Variants in CYP2A13 observed in about 807,000 individuals in gnomAD.
The protein encoded by CYP2A13 is cytochrome P450 2A13.
In CYP2A13, 30 loss-of-function variants were observed where a neutral mutation model predicts 39.4. That is an observed-to-expected ratio of 0.76 (90% CI 0.57 to 1.03). CYP2A13 has a LOEUF of 1.03. Ranked by LOEUF, CYP2A13 falls within the 50% of genes least tolerant of loss-of-function variation. The pLI is 0.00. For missense variants in CYP2A13, 731 were observed against 648.4 expected, an observed-to-expected ratio of 1.13 and a Z score of -1.38; for synonymous variants, 269 against 254.7, an observed-to-expected ratio of 1.06 and a Z score of -0.54.
At chr19:41,089,200 C>G in intron 2 of CYP2A13, 109 bp downstream of exon 2, 1 of 1,538,572 alleles carries the variant, frequency 6.5e-7, no homozygotes, top group Non-Finnish European at 8.8e-7. Context: ...GCAGAGCCCC[C>G]TGTCTGGTCT....
Position 41,094,352 on chromosome 19 carries a change from A to C in CYP2A13, c.1081A>C (p.Arg361=). 6.2e-7 allele frequency: 1 copy of C among 1,614,144 alleles called. No homozygotes were observed. Among genetic ancestry groups the C allele is most frequent in the South Asian group, 1.1e-5 (1 of 91,086 alleles). Residue 361 remains arginine, a synonymous_variant, in exon 7 of 9, where the codon AGA becomes CGA. Coordinates refer to ENST00000330436, the MANE Select transcript of CYP2A13 (RefSeq NM_000766.5). ...AGAGGCAGTGATCCACGAGATCCAA[A>C]GATTTGGAGACATGCTCCCCATGGG... ...YTEAVIHEIQ[R]FGDMLPMGLA...
chr19:41,090,159 G>A lies in CYP2A13; in HGVS notation c.456G>A (p.Glu152=), dbSNP rs1161104752. 1.3e-6 allele frequency: 2 copies of A among 1,593,954 alleles called. No homozygotes were observed. Among genetic ancestry groups the A allele is most frequent in the South Asian group, 2.3e-5 (2 of 87,846 alleles). Residue 152 remains glutamate, a synonymous_variant, in exon 3 of 9, where the codon GAG becomes GAA. Coordinates refer to ENST00000330436, the MANE Select transcript of CYP2A13 (RefSeq NM_000766.5). ...KRGIEERIQE[E]AGFLIDALRG... Reference sequence around the variant, plus strand: ...GCATCGAGGAACGCATCCAGGAGGAGGCGGGCTTCCTCATCGACGCCCTCC... The same window carrying A: ...GCATCGAGGAACGCATCCAGGAGGAAGCGGGCTTCCTCATCGACGCCCTCC...
rs373911271 is a variant in CYP2A13, at chr19:41,094,391, G to T, written c.1120G>T (p.Val374Phe). The T allele has an allele frequency of 4.3e-6, 7 of 1,613,954 alleles. No homozygotes were observed. In the African/African-American group the frequency reaches 8.0e-5, roughly 18 times the overall value. Residue 374 changes from valine to phenylalanine, a missense_variant, in exon 7 of 9, where the codon GTC becomes TTC. Physicochemically the swap from Val to Phe is conservative, Grantham distance 50. Transcript: ENST00000330436. ...GCTCCCCATGGGTTTGGCCCACAGG[G>T]TCAACAAGGACACCAAGTTTCGGGA... is the stretch of plus-strand genomic sequence containing the variant. ...DMLPMGLAHRVNKDTKFRDFF... is the reference protein window; with the variant it reads ...DMLPMGLAHRFNKDTKFRDFF...
intron 6 of CYP2A13, 79 bp from the exon 7 acceptor site, chr19:41,094,166 C>T: frequency 1.3e-6 from 2 of 1,568,088 alleles, no homozygotes; most frequent in South Asian, 2.4e-5. Flanking sequence ...CTATGTCAAC[C>T]ACCGTGTTTT....
chr19:41,093,912 T>C (rs1279771821), intron 6 of CYP2A13, 141 bp downstream of exon 6: 5 of 930,136 alleles, frequency 5.4e-6, no homozygotes, highest in African/African-American at 1.7e-5. Flanking sequence ...ATTCAGCTGA[T>C]AGGCATCAGC....
chr19:41,090,324 C>G, intron 3 of CYP2A13, 80 bp from the exon 4 acceptor site: 1 of 1,601,506 alleles, frequency 6.2e-7, no homozygotes, highest in Non-Finnish European at 8.5e-7. Flanking sequence ...TCAACAGGGC[C>G]CTGCCTCCTG....
chr19:41,091,670 C>T, intron 4 of CYP2A13, 62 bp from the exon 5 acceptor site: 4 of 1,591,398 alleles, frequency 2.5e-6, no homozygotes, highest in Non-Finnish European at 3.4e-6. Context: ...AATCCCCATT[C>T]CCATCAGCTC....
At chr19:41,092,050 C>G (rs2031202897) in intron 5 of CYP2A13, 142 bp downstream of exon 5, 1 of 1,321,922 alleles carries the variant, frequency 7.6e-7, no homozygotes. Flanking sequence ...CGCGGTGGCT[C>G]ATGACCTGTA....
intron 7 of CYP2A13, 40 bp from the exon 8 acceptor site, chr19:41,094,919 C>G: frequency 3.1e-6 from 5 of 1,610,884 alleles, no homozygotes; most frequent in Non-Finnish European, 4.2e-6. Flanking sequence ...CCAATCCCCC[C>G]AACCTGCCTC....
chr19:41,095,941 A>G lies in CYP2A13; in HGVS notation c.1485A>G (p.Ter495TrpextTer29), dbSNP rs761838314. ...RNYTMSFLPR* is the reference protein window; with the variant it reads ...RNYTMSFLPRW Reference sequence around the variant, plus strand: ...ACACCATGAGCTTCCTGCCCCGCTGAGCGAGGGCTGTGCTGGTGCAGGGCT... The same window carrying G: ...ACACCATGAGCTTCCTGCCCCGCTGGGCGAGGGCTGTGCTGGTGCAGGGCT... The change falls in exon 9 of 9, where the codon TGA becomes TGG. Residue 495 changes from the stop codon to tryptophan, a stop_lost. Transcript: ENST00000330436. 3 of 1,466,398 alleles carry G rather than the reference A, an allele frequency of 2.0e-6. No homozygotes were observed. The Admixed American group carries it at 5.6e-5, about 28-fold the overall frequency. 90.8% of individuals were successfully genotyped at this position (1,466,398 alleles called of 1,614,324 possible).
Position 41,093,848 on chromosome 19 carries a change from T to C in CYP2A13, c.973+77T>C. On this transcript the variant is annotated intron_variant, in intron 6 of 8. Coordinates refer to ENST00000330436, the MANE Select transcript of CYP2A13 (RefSeq NM_000766.5). The stretch of plus-strand genomic sequence containing the variant: ...CTGAGCCTGGTGCAGTGTACCCACC[T>C]ATCCCAGATCCCAGGACCCTGAGAC... 3 of 1,541,362 alleles carry C rather than the reference T, an allele frequency of 1.9e-6. No homozygotes were observed. The Admixed American group carries it at 5.8e-5, about 30-fold the overall frequency.
chr19:41,090,357 T>A, intron 3 of CYP2A13, 47 bp from the exon 4 acceptor site: 1 of 1,612,810 alleles, frequency 6.2e-7, no homozygotes, highest in South Asian at 1.1e-5. Flanking sequence ...TCCTCAGACC[T>A]CTGAGTTGAC....
rs2031300390 is a variant in CYP2A13, at chr19:41,095,995, G to A, written c.*54G>A. The A allele has an allele frequency of 2.5e-6, 4 of 1,581,504 alleles. No homozygotes were observed. Among genetic ancestry groups the A allele is most frequent in the Non-Finnish European group, 3.5e-6 (4 of 1,157,734 alleles). The stretch of plus-strand genomic sequence containing the variant: ...GGGCGGGGCCAGGGAAACGGCCGGG[G>A]CAGGGGCGGGGCTTGTGGGAGGGGC... On this transcript the variant is annotated 3_prime_UTR_variant, in exon 9 of 9. Transcript: ENST00000330436.
In CYP2A13 at chr19:41,090,484, G is replaced by C; in HGVS notation, c.574G>C (p.Asp192His). ...ISSIVFGDRF[D>H]YEDKEFLSLL... ...CTCCATTGTCTTTGGGGACCGCTTT[G>C]ACTATGAGGACAAAGAGTTCCTGTC... Residue 192 changes from aspartate to histidine, a missense_variant, in exon 4 of 9, where the codon GAC becomes CAC. Coordinates refer to ENST00000330436, the MANE Select transcript of CYP2A13 (RefSeq NM_000766.5). 1 of 1,614,160 alleles carries C rather than the reference G, an allele frequency of 6.2e-7. No homozygotes were observed. Among genetic ancestry groups the C allele is most frequent in the South Asian group, 1.1e-5 (1 of 91,078 alleles).
At chr19:41,093,161 C>A (rs1329223171) in intron 5 of CYP2A13, among the ~76,000 whole-genome samples, 3 of 151,388 alleles carry the variant, frequency 2.0e-5, no homozygotes, top group Admixed American at 6.6e-5. Context: ...GAGCCGATAT[C>A]ACAGCACTGC....
chr19:41,090,011 C>T lies in CYP2A13; in HGVS notation c.344-36C>T, dbSNP rs764714733. On this transcript the variant is annotated intron_variant, in intron 2 of 8. Transcript: ENST00000330436. ...TGGTCCGCTCCTGCTCCCGCCGCCCCCTGACCTCTCTCCACCCCCGCGTTC... is the reference window on the plus strand; with the variant it reads ...TGGTCCGCTCCTGCTCCCGCCGCCCTCTGACCTCTCTCCACCCCCGCGTTC... 10 of 1,594,358 alleles carry T rather than the reference C, an allele frequency of 6.3e-6. No individual in the cohort carries two copies. In the East Asian group the frequency reaches 1.8e-4, roughly 29 times the overall value.
At position 41,095,020 on chromosome 19, in the gene CYP2A13, C is replaced by G; in HGVS notation, c.1223C>G (p.Pro408Arg). Residue 408 changes from proline to arginine, a missense_variant, in exon 8 of 9, where the codon CCC (proline) becomes CGC (arginine). Physicochemically the swap from Pro to Arg is moderately radical, Grantham distance 103 (BLOSUM62 -2). Transcript: ENST00000330436. ...VLRDPRFFSN[P>R]RDFNPQHFLD... ...AGAGACCCCAGGTTCTTCTCCAACC[C>G]CCGGGACTTCAATCCCCAGCACTTC... is the stretch of plus-strand genomic sequence containing the variant. 6.2e-7 allele frequency: 1 copy of G among 1,614,152 alleles called. No homozygotes were observed. Among genetic ancestry groups the G allele is most frequent in the Non-Finnish European group, 8.5e-7 (1 of 1,180,036 alleles).
intron 5 of CYP2A13, among the ~76,000 whole-genome samples, chr19:41,092,401 C>G (rs1251853880): frequency 6.6e-6 from 1 of 150,430 alleles, no homozygotes; most frequent in Non-Finnish European, 1.5e-5. Context: ...CCCTCACCCA[C>G]AAGCACGACT....
chr19:41,091,726 C>G lies in CYP2A13; in HGVS notation c.655-6C>G. 6.2e-7 allele frequency: 1 copy of G among 1,613,694 alleles called. No homozygotes were observed. The highest frequency in any genetic ancestry group is 2.2e-5 in the East Asian group (1 of 44,886). On this transcript the variant is annotated splice_region_variant and splice_polypyrimidine_tract_variant and intron_variant, in intron 4 of 8. Coordinates refer to ENST00000330436, the MANE Select transcript of CYP2A13 (RefSeq NM_000766.5). ...TTCCCTTCCCATCCTCTCTCTGCAA[C>G]CCCAGCTCTATGAGATGTTCTCTTC...
Sources: allele counts gnomAD v4.1 joint callset (sites outside exome capture counted in the v4.1 genomes callset), GRCh38; gene constraint gnomAD v4.1.1; transcripts MANE v1.5; gene names NCBI Gene and HGNC (gene_info 2026-07-23, HGNC 2026-07-21).